The following TENM2 variants were observed in gnomAD, a reference collection of about 807,000 sequenced individuals.
TENM2 encodes teneurin transmembrane protein 2, also known as teneurin-2.
Under a neutral mutation model 245.2 loss-of-function variants are expected in TENM2, and 52 were observed. The observed-to-expected ratio is 0.21, with a 90% CI of 0.17 to 0.27. The LOEUF (loss-of-function observed/expected upper bound fraction) is 0.27. Ranked by LOEUF, TENM2 falls within the 10% of genes least tolerant of loss-of-function variation. The probability of loss-of-function intolerance (pLI) is 1.00; values close to 1 mark genes in which losing one functional copy is unlikely to be tolerated. For missense variants in TENM2, 3,046 were observed against 3,666.8 expected (o/e 0.83, Z 4.37); for synonymous variants, 1,363 against 1,438.9 (o/e 0.95, Z 1.19).
At chr5:167,001,010 C>T in the TENM2 span, among the ~76,000 whole-genome samples, 1 of 151,790 alleles carries the variant, frequency 6.6e-6, no homozygotes, top group African/African-American at 2.4e-5. Flanking sequence ...TTAGCCAATG[C>T]ATTGGCTGAT....
intron 2 of TENM2, among the ~76,000 whole-genome samples, chr5:167,595,240 A>G (rs1279371318): frequency 2.6e-5 from 4 of 152,192 alleles, no homozygotes; most frequent in African/African-American, 9.6e-5. Flanking sequence ...TGTCAGTAAA[A>G]TGGAATCAAA....
At chr5:167,097,050 GTC>G in the TENM2 span, among the ~76,000 whole-genome samples, 1 of 152,092 alleles carries the variant, frequency 6.6e-6, no homozygotes, top group Non-Finnish European at 1.5e-5. Flanking sequence ...AGACTTCACT[GTC>G]TGCTGCGTTG....
chr5:167,442,130 C>T (rs1254268414), intron 2 of TENM2, among the ~76,000 whole-genome samples: 1 of 152,190 alleles, frequency 6.6e-6, no homozygotes, highest in Non-Finnish European at 1.5e-5. Flanking sequence ...AGGCCCCTTC[C>T]TCCCCTTTCA....
chr5:167,953,017 C>T (rs930661917), intron 4 of TENM2, among the ~76,000 whole-genome samples, 195 bp downstream of exon 6: 1 of 152,208 alleles, frequency 6.6e-6, no homozygotes, highest in Non-Finnish European at 1.5e-5. Flanking sequence ...TCTTCGTTCA[C>T]ATGTGTCTCC....
At chr5:167,126,120 A>G in the TENM2 span, among the ~76,000 whole-genome samples, 1,461 of 152,286 alleles carry the variant, frequency 9.6e-3, 24 homozygotes, top group African/African-American at 0.033. Flanking sequence ...GCAACCCTCA[A>G]AATGTCATAC....
chr5:167,087,812 CAG>C, the TENM2 span, among the ~76,000 whole-genome samples: 2 of 147,760 alleles, frequency 1.4e-5, no homozygotes, highest in Non-Finnish European at 3.0e-5. Flanking sequence ...TTTTTTAAAA[CAG>C]AGTCTTGCTC....
At chr5:167,962,633 C>T (rs187560969) in intron 4 of TENM2, among the ~76,000 whole-genome samples, 188 of 152,238 alleles carry the variant, frequency 1.2e-3, no homozygotes, top group Non-Finnish European at 1.5e-3. Flanking sequence ...TTCAGCATGA[C>T]GGGGGAGGCC....
intron 1 of TENM2, among the ~76,000 whole-genome samples, chr5:167,360,602 G>A (rs1353490779): frequency 2.6e-5 from 4 of 152,034 alleles, no homozygotes; most frequent in African/African-American, 9.7e-5. Flanking sequence ...ATTCATTACA[G>A]GAAAAAGAAC....
chr5:167,491,941 G>A (rs2127543460), intron 2 of TENM2, among the ~76,000 whole-genome samples: 1 of 152,130 alleles, frequency 6.6e-6, no homozygotes, highest in East Asian at 1.9e-4. Flanking sequence ...CCCTAACAAA[G>A]CAGAATAAAC....
At chr5:167,429,080 A>G (rs1306711545) in intron 2 of TENM2, among the ~76,000 whole-genome samples, 1 of 152,200 alleles carries the variant, frequency 6.6e-6, no homozygotes, top group East Asian at 1.9e-4. Flanking sequence ...GAATTTTTGA[A>G]TGGAATCCTA....
intron 2 of TENM2, among the ~76,000 whole-genome samples, chr5:167,785,119 C>T (rs1422250648): frequency 2.0e-5 from 3 of 152,124 alleles, no homozygotes; most frequent in Admixed American, 1.3e-4. Flanking sequence ...TTTCCTACTA[C>T]ACAGTCTGCC....
chr5:167,824,637 T>A lies in TENM2; in HGVS notation c.503-51349T>A, dbSNP rs1228664444. On this transcript the variant is annotated intron_variant, in intron 2 of 28. Transcript: ENST00000518659. ...AAGGCAAAAGATTGTACTAGAAAGA[T>A]AAGCAGAGCCCTGTGGTGAATGGCT... Among the ~76,000 whole-genome samples the A allele has an allele frequency of 1.1e-4, 16 of 152,178 alleles. 1 individual carries two copies. The highest frequency in any genetic ancestry group is 2.4e-4 in the Non-Finnish European group (16 of 68,028).
chr5:168,032,746 C>G (rs1360426955), intron 5 of TENM2, among the ~76,000 whole-genome samples: 1 of 152,158 alleles, frequency 6.6e-6, no homozygotes, highest in African/African-American at 2.4e-5. Context: ...GCCTCCCTTC[C>G]AGCCTTTCCT....
the TENM2 span, among the ~76,000 whole-genome samples, chr5:167,049,189 C>G: frequency 6.6e-6 from 1 of 152,168 alleles, no homozygotes; most frequent in African/African-American, 2.4e-5. Context: ...ATAGTGCTTA[C>G]TCACAAGTTA....
intron 25 of TENM2, among the ~76,000 whole-genome samples, chr5:168,243,937 G>GTT (rs1170318631): frequency 0.039 from 4,952 of 125,418 alleles, 186 homozygotes; most frequent in Non-Finnish European, 0.063. Context: ...CTTTTCTTTG[G>GTT]TTTTTTTTTT....
At chr5:167,209,628 A>G in the TENM2 span, among the ~76,000 whole-genome samples, 1 of 152,118 alleles carries the variant, frequency 6.6e-6, no homozygotes, top group Non-Finnish European at 1.5e-5. Flanking sequence ...CTAGTAATTT[A>G]TTTTAGACTA....
intron 2 of TENM2, among the ~76,000 whole-genome samples, chr5:167,564,616 G>A (rs1333436520): frequency 6.6e-6 from 1 of 152,164 alleles, no homozygotes; most frequent in African/African-American, 2.4e-5. Flanking sequence ...GGAAATGATT[G>A]TTGCTCACAT....
chr5:168,144,122 G>A (rs979835302), intron 12 of TENM2, among the ~76,000 whole-genome samples: 2 of 151,484 alleles, frequency 1.3e-5, no homozygotes, highest in Non-Finnish European at 2.9e-5. Flanking sequence ...GCCTCCCAAA[G>A]TCCTGGGATT....
intron 2 of TENM2, among the ~76,000 whole-genome samples, chr5:167,577,644 G>T (rs765738824): frequency 6.6e-6 from 1 of 151,954 alleles, no homozygotes; most frequent in Non-Finnish European, 1.5e-5. Flanking sequence ...TTTAAATAAG[G>T]AAAGCTACAC....
Sources: allele counts gnomAD v4.1 joint callset (sites outside exome capture counted in the v4.1 genomes callset), GRCh38; gene constraint gnomAD v4.1.1; transcripts MANE v1.5; gene names NCBI Gene and HGNC (gene_info 2026-07-23, HGNC 2026-07-21).